Variants in SLC41A2 observed in about 807,000 individuals in gnomAD.
SLC41A2 encodes the protein SLC41A1-like 1.
In SLC41A2, 32 loss-of-function variants were observed where a neutral mutation model predicts 58.3. The observed-to-expected ratio is 0.55, with a 90% CI of 0.41 to 0.74. The LOEUF (loss-of-function observed/expected upper bound fraction) is 0.74. SLC41A2 is among the 30% of genes least tolerant of loss of function. The probability of loss-of-function intolerance (pLI) is 0.00; values close to 1 mark genes in which losing one functional copy is unlikely to be tolerated. For synonymous variants in SLC41A2, 190 were observed against 235.0 expected (o/e 0.81, Z 1.75); for missense variants, 514 against 680.6 (o/e 0.76, Z 2.72).
At chr12:104,815,638 C>T (rs2041365859) in intron 10 of SLC41A2, among the ~76,000 whole-genome samples, 1 of 151,996 alleles carries the variant, frequency 6.6e-6, no homozygotes, top group African/African-American at 2.4e-5. Flanking sequence ...AAATATGATA[C>T]AAATAAACCC....
chr12:104,920,758 A>G (rs1346207778), intron 2 of SLC41A2, among the ~76,000 whole-genome samples: 1 of 151,784 alleles, frequency 6.6e-6, no homozygotes, highest in Non-Finnish European at 1.5e-5. Context: ...CCCCATCTCT[A>G]CTAAAAATAC....
chr12:104,830,935 G>A (rs977966457), intron 10 of SLC41A2, among the ~76,000 whole-genome samples: 1 of 152,138 alleles, frequency 6.6e-6, no homozygotes, highest in Admixed American at 6.5e-5. Context: ...ACAATATGTA[G>A]TTTGTGTCTG....
chr12:104,871,619 T>C (rs2043781620), intron 6 of SLC41A2, among the ~76,000 whole-genome samples: 1 of 152,244 alleles, frequency 6.6e-6, no homozygotes, highest in African/African-American at 2.4e-5. Context: ...ATCCTTCCAA[T>C]ATTTCCCCAA....
Position 104,805,285 on chromosome 12 carries a change from T to C in SLC41A2, c.1589A>G (p.Lys530Arg). The C allele has an allele frequency of 6.2e-7, 1 of 1,613,910 alleles. No individual in the cohort carries two copies. The highest frequency in any genetic ancestry group is 8.5e-7 in the Non-Finnish European group (1 of 1,179,836). ...ADWMVHHFWR[K>R]GKDPDSFSIP... ...GGAGAAACTATCCGGGTCCTTTCCT[T>C]TCCTCCAGAAGTGATGGACCATCCA... The change falls in exon 11 of 11, where the codon AAA becomes AGA. Residue 530 changes from lysine (K) to arginine (R), a missense_variant. Lys to Arg is a conservative substitution (Grantham distance 26). Around this residue, in one of 3 missense-constraint regions of SLC41A2, gnomAD observed 128 missense variants for 146.0 expected, o/e 0.88. Transcript: ENST00000258538.
chr12:104,865,047 A>AGTGG (rs1295843396), intron 7 of SLC41A2, among the ~76,000 whole-genome samples: 1 of 152,172 alleles, frequency 6.6e-6, no homozygotes, highest in Non-Finnish European at 1.5e-5. Flanking sequence ...TTTGTCAGCA[A>AGTGG]GTGGGACTCA....
intron 10 of SLC41A2, among the ~76,000 whole-genome samples, chr12:104,806,849 T>G (rs1179214476): frequency 6.6e-6 from 1 of 152,178 alleles, no homozygotes; most frequent in Non-Finnish European, 1.5e-5. Flanking sequence ...GTCTTTTGGC[T>G]GCATAAATGT....
chr12:104,888,006 A>T (rs1227088243), intron 5 of SLC41A2, among the ~76,000 whole-genome samples: 2 of 152,004 alleles, frequency 1.3e-5, no homozygotes, highest in African/African-American at 4.8e-5. Context: ...AGACTGAAAA[A>T]TTTTAAATGA....
intron 1 of SLC41A2, among the ~76,000 whole-genome samples, chr12:104,955,016 CT>C (rs375969264): frequency 3.0e-3 from 241 of 79,170 alleles, no homozygotes; most frequent in Middle Eastern, 0.028. Context: ...TTGGCCCTTG[CT>C]TTTTTTTTTT....
rs182662148 is a variant in SLC41A2 at position 104,923,376 on chromosome 12, A to T, written c.555+4597T>A. 7.3e-5 allele frequency among the ~76,000 whole-genome samples: 11 copies of T among 149,874 alleles called. No individual in the cohort carries two copies. In the East Asian group the frequency reaches 2.1e-3, roughly 29 times the overall value. ...GACTCCATCTCAAAAAAAAAAAAAAAAATAGAAAGACTTCAAATAAACAAC... is the reference window on the plus strand; with the variant it reads ...GACTCCATCTCAAAAAAAAAAAAAATAATAGAAAGACTTCAAATAAACAAC... On this transcript the variant is annotated intron_variant, in intron 2 of 10. Transcript: ENST00000258538.
chr12:104,942,109 C>T (rs766958091), intron 1 of SLC41A2, among the ~76,000 whole-genome samples: 11 of 151,978 alleles, frequency 7.2e-5, no homozygotes, highest in Non-Finnish European at 1.0e-4. Flanking sequence ...TATTTATTCC[C>T]CCTACTCTGT....
chr12:104,928,609 T>G lies in SLC41A2; in HGVS notation c.-82A>C, dbSNP rs2046942967. On this transcript the variant is annotated 5_prime_UTR_variant, in exon 2 of 11. Transcript: ENST00000258538. The stretch of plus-strand genomic sequence containing the variant: ...AGATGAATCAGAACCGCACAAACAC[T>G]GGTTTAAATTAAGTTGTTGACTTCA... The G allele has an allele frequency of 2.6e-6, 2 of 778,326 alleles. No homozygotes were observed. The highest frequency in any genetic ancestry group is 3.7e-6 in the Non-Finnish European group (2 of 542,354). 48.2% of individuals were successfully genotyped at this position (778,326 alleles called of 1,614,324 possible). A position where few individuals can be genotyped will look rare whatever the true frequency, so the allele number is the denominator to read the frequency against.
intron 7 of SLC41A2, among the ~76,000 whole-genome samples, chr12:104,865,788 T>C (rs2043414587): frequency 1.3e-5 from 2 of 152,224 alleles, no homozygotes; most frequent in Non-Finnish European, 2.9e-5. Flanking sequence ...AGATGTATCA[T>C]AAACTCTTTC....
intron 1 of SLC41A2, among the ~76,000 whole-genome samples, chr12:104,950,649 G>A (rs1376181452): frequency 1.3e-5 from 2 of 152,140 alleles, no homozygotes; most frequent in Admixed American, 1.3e-4. Flanking sequence ...GGGACTACAG[G>A]AACTGTGGCT....
intron 7 of SLC41A2, among the ~76,000 whole-genome samples, chr12:104,863,415 A>G (rs1022572427): frequency 6.6e-6 from 1 of 152,182 alleles, no homozygotes; most frequent in South Asian, 2.1e-4. Context: ...AGCTGGGGAA[A>G]CACGGCGAGA....
At chr12:104,936,789 A>G (rs1315182598) in intron 1 of SLC41A2, among the ~76,000 whole-genome samples, 4 of 152,242 alleles carry the variant, frequency 2.6e-5, no homozygotes, top group Admixed American at 2.0e-4. Context: ...GATTTTAATA[A>G]AAAGGTTTTT....
chr12:104,851,170 ATAT>A lies in SLC41A2; in HGVS notation c.1256-5199_1256-5197del, dbSNP rs973202130. 2.6e-4 allele frequency among the ~76,000 whole-genome samples: 39 copies of A among 152,298 alleles called. 1 individual carries two copies. Among genetic ancestry groups the A allele is most frequent in the African/African-American group, 8.4e-4 (35 of 41,562 alleles). ...ATGGTAAAGGCTTAAAAAATGTTAA[ATAT>A]TATTGTTATTATCAATAATAAATTT... On this transcript the variant is annotated intron_variant, in intron 8 of 10. Transcript: ENST00000258538.
intron 6 of SLC41A2, among the ~76,000 whole-genome samples, chr12:104,868,744 A>T (rs990980169): frequency 6.6e-6 from 1 of 152,236 alleles, no homozygotes; most frequent in Admixed American, 6.5e-5. Flanking sequence ...AACTTAGTAT[A>T]TCCATAAATG....
chr12:104,803,802 G>A lies in SLC41A2; in HGVS notation c.*1350C>T, dbSNP rs1389877096. 1 of 151,990 alleles carries A rather than the reference G, an allele frequency of 6.6e-6. No homozygotes were observed. Among genetic ancestry groups the A allele is most frequent in the African/African-American group, 2.4e-5 (1 of 41,392 alleles). The allele number at this position is 151,990 out of a possible 1,614,324, so 9.4% of individuals were successfully genotyped here. ...CACGTAGAAATAAGCCTGTACAAAT[G>A]GATATGTTTAAGCATGAACAATAAT... On this transcript the variant is annotated 3_prime_UTR_variant, in exon 11 of 11. Coordinates refer to ENST00000258538, the MANE Select transcript of SLC41A2 (RefSeq NM_001352171.3).
intron 10 of SLC41A2, among the ~76,000 whole-genome samples, chr12:104,833,055 A>G (rs1002935995): frequency 7.9e-5 from 12 of 152,214 alleles, no homozygotes; most frequent in Non-Finnish European, 1.6e-4. Flanking sequence ...GGGAGAATCA[A>G]CAACAGAGTT....
Sources: gnomAD v4.1 joint callset for allele counts (sites outside exome capture counted in the v4.1 genomes callset) on GRCh38, gnomAD v4.1.1 for gene constraint, gnomAD v4.1.1 regional missense constraint, MANE v1.5 for transcripts, NCBI Gene and HGNC (gene_info 2026-07-23, HGNC 2026-07-21) for gene names.